Variants in PCSK6 observed in about 807,000 individuals in gnomAD.
PCSK6 encodes the protein proprotein convertase subtilisin/kexin type 6.
A neutral mutation model predicts 123.3 loss-of-function variants in PCSK6; 85 were observed. That is an observed-to-expected ratio of 0.69 (90% CI 0.58 to 0.83). PCSK6 has a LOEUF of 0.83. Among genes scored for constraint, PCSK6 ranks in the 40% least tolerant of loss-of-function variants. The pLI, the probability that PCSK6 is intolerant of heterozygous loss-of-function variation, is 0.00. For missense variants in PCSK6, 1,191 were observed against 1,282.3 expected, an observed-to-expected ratio of 0.93 and a Z score of 1.09; for synonymous variants, 508 against 516.0, an observed-to-expected ratio of 0.98 and a Z score of 0.21.
At chr15:101,350,649 A>G (rs1000722163) in intron 13 of PCSK6, among the ~76,000 whole-genome samples, 1 of 152,206 alleles carries the variant, frequency 6.6e-6, no homozygotes, top group African/African-American at 2.4e-5. Flanking sequence ...GGCCAATGAA[A>G]AAAGAATGCC....
At chr15:101,368,084 G>A (rs1446931659) in intron 12 of PCSK6, among the ~76,000 whole-genome samples, 1 of 152,218 alleles carries the variant, frequency 6.6e-6, no homozygotes, top group East Asian at 1.9e-4. Context: ...TCAAAGTGCT[G>A]GGACTACAGG....
intron 13 of PCSK6, among the ~76,000 whole-genome samples, chr15:101,345,943 C>G (rs569132922): frequency 1.3e-5 from 2 of 152,322 alleles, no homozygotes; most frequent in Admixed American, 6.5e-5. Context: ...GCTGGGATTA[C>G]AAGCGTGAGC....
At chr15:101,408,672 C>G (rs1435057040) in intron 6 of PCSK6, among the ~76,000 whole-genome samples, 1 of 152,188 alleles carries the variant, frequency 6.6e-6, no homozygotes, top group Non-Finnish European at 1.5e-5. Context: ...CCCCCCAAGC[C>G]CCCCAGTGCA....
At chr15:101,367,325 C>T (rs1013420156) in intron 12 of PCSK6, among the ~76,000 whole-genome samples, 1 of 152,130 alleles carries the variant, frequency 6.6e-6, no homozygotes, top group African/African-American at 2.4e-5. Context: ...TTTTCTATCT[C>T]GATTTTGGAA....
intron 19 of PCSK6, chr15:101,316,334 T>G (rs1376017741): frequency 1.3e-5 from 2 of 152,168 alleles, no homozygotes; most frequent in Non-Finnish European, 1.5e-5. Flanking sequence ...ATTTAATAGC[T>G]GAAGTGATGG....
At chr15:101,394,675 A>G (rs1031698168) in intron 7 of PCSK6, among the ~76,000 whole-genome samples, 1 of 152,234 alleles carries the variant, frequency 6.6e-6, no homozygotes, top group Non-Finnish European at 1.5e-5. Flanking sequence ...CAATCCCCGT[A>G]GAGCCAAATT....
intron 1 of PCSK6, among the ~76,000 whole-genome samples, chr15:101,463,952 A>AT (rs920063908): frequency 6.6e-6 from 1 of 151,946 alleles, no homozygotes; most frequent in African/African-American, 2.4e-5. Flanking sequence ...CCAGGGTGTG[A>AT]TTTTTTAAGA....
intron 1 of PCSK6, among the ~76,000 whole-genome samples, chr15:101,458,094 C>T (rs1183338985): frequency 2.6e-5 from 4 of 152,200 alleles, no homozygotes; most frequent in East Asian, 1.9e-4. Context: ...CAGACACATT[C>T]GTCCTGCTCT....
intron 5 of PCSK6, among the ~76,000 whole-genome samples, chr15:101,429,619 G>T (rs1322832196): frequency 6.6e-6 from 1 of 152,188 alleles, no homozygotes; most frequent in Admixed American, 6.5e-5. Context: ...TCAGGCACGT[G>T]ACCTGTGTGC....
intron 6 of PCSK6, among the ~76,000 whole-genome samples, chr15:101,404,698 T>C (rs2042716330): frequency 6.6e-6 from 1 of 152,162 alleles, no homozygotes; most frequent in Non-Finnish European, 1.5e-5. Context: ...GTTAAGAAGA[T>C]TAACGAAAAG....
intron 1 of PCSK6, among the ~76,000 whole-genome samples, chr15:101,472,398 G>C (rs1567247539): frequency 6.6e-6 from 1 of 152,264 alleles, no homozygotes; most frequent in Admixed American, 6.5e-5. Context: ...GGGACAATCT[G>C]CCAGGCATCA....
intron 1 of PCSK6, among the ~76,000 whole-genome samples, chr15:101,471,193 T>C (rs530191931): frequency 6.6e-6 from 1 of 152,144 alleles, no homozygotes; most frequent in Non-Finnish European, 1.5e-5. Context: ...CAGAACATCC[T>C]CTACAAAAGC....
chr15:101,375,125 G>C (rs766009119), intron 11 of PCSK6, among the ~76,000 whole-genome samples: 1 of 152,038 alleles, frequency 6.6e-6, no homozygotes, highest in Non-Finnish European at 1.5e-5. Flanking sequence ...GCCAATGTTT[G>C]TATTTTTAGT....
intron 1 of PCSK6, among the ~76,000 whole-genome samples, chr15:101,453,489 A>C (rs62027205): frequency 6.6e-6 from 1 of 152,202 alleles, no homozygotes; most frequent in Non-Finnish European, 1.5e-5. Flanking sequence ...CTGGGACCCC[A>C]TGTCAGGGAG....
At chr15:101,347,628 G>C in intron 13 of PCSK6, 1 of 1,560,230 alleles carries the variant, frequency 6.4e-7, no homozygotes, top group Non-Finnish European at 8.7e-7. Flanking sequence ...TCTGGGGGCG[G>C]GAGCTGAGAG....
At chr15:101,488,651 C>G (rs1321747827) in intron 1 of PCSK6, among the ~76,000 whole-genome samples, 1 of 152,170 alleles carries the variant, frequency 6.6e-6, no homozygotes, top group Admixed American at 6.5e-5. Flanking sequence ...AAAGGTCACA[C>G]CGCTCGGCCA....
intron 13 of PCSK6, among the ~76,000 whole-genome samples, chr15:101,333,253 G>A (rs1443250370): frequency 1.3e-5 from 2 of 152,176 alleles, no homozygotes; most frequent in Non-Finnish European, 2.9e-5. Context: ...AGTGTGACCT[G>A]CCCAAGGACA....
intron 18 of PCSK6, among the ~76,000 whole-genome samples, chr15:101,320,458 C>G (rs542545314): frequency 6.6e-6 from 1 of 152,088 alleles, no homozygotes; most frequent in Non-Finnish European, 1.5e-5. Flanking sequence ...AAAACCCACA[C>G]GTTTTGGCTA....
At chr15:101,441,378 G>A (rs1035761115) in intron 2 of PCSK6, among the ~76,000 whole-genome samples, 5 of 152,002 alleles carry the variant, frequency 3.3e-5, no homozygotes, top group Admixed American at 2.0e-4. Context: ...GTCTGTCTCT[G>A]CTGCCTCAGC....
Sources: allele counts gnomAD v4.1 joint callset (sites outside exome capture counted in the v4.1 genomes callset), GRCh38; gene constraint gnomAD v4.1.1; transcripts MANE v1.5; gene names NCBI Gene and HGNC (gene_info 2026-07-23, HGNC 2026-07-21).